Variants in ITGBL1 observed in about 807,000 individuals in gnomAD.
ITGBL1 encodes integrin beta-like protein 1.
ITGBL1 carries 51 observed loss-of-function variants against 68.5 expected under a neutral mutation model. That is an observed-to-expected ratio of 0.74 (90% CI 0.59 to 0.94). ITGBL1 has a LOEUF of 0.94. Ranked by LOEUF, ITGBL1 falls within the 40% of genes least tolerant of loss-of-function variation. The pLI is 0.00. For synonymous variants in ITGBL1, 209 were observed against 227.3 expected (o/e 0.92, Z 0.72); for missense variants, 649 against 647.4 (o/e 1.00, Z -0.03).
chr13:101,632,884 G>A (rs2032032597), intron 7 of ITGBL1, among the ~76,000 whole-genome samples: 1 of 152,166 alleles, frequency 6.6e-6, no homozygotes, highest in Non-Finnish European at 1.5e-5. Context: ...TTCACCTGAT[G>A]ATATTGCTTT....
chr13:101,491,230 G>T (rs2048771349), intron 2 of ITGBL1, among the ~76,000 whole-genome samples: 1 of 152,088 alleles, frequency 6.6e-6, no homozygotes. Context: ...ATTCTCCTCT[G>T]CAAGGTCAGG....
At chr13:101,616,787 A>G (rs2031381266) in intron 7 of ITGBL1, among the ~76,000 whole-genome samples, 1 of 152,152 alleles carries the variant, frequency 6.6e-6, no homozygotes, top group African/African-American at 2.4e-5. Flanking sequence ...CGCTGCAGGC[A>G]GCCGATAGCT....
At chr13:101,650,726 C>T (rs560224633) in intron 7 of ITGBL1, among the ~76,000 whole-genome samples, 13 of 151,654 alleles carry the variant, frequency 8.6e-5, no homozygotes, top group Admixed American at 2.0e-4. Context: ...TGTACAGATC[C>T]GCCCATCACC....
At chr13:101,471,000 GCAAT>G (rs1249618636) in intron 2 of ITGBL1, among the ~76,000 whole-genome samples, 13 of 152,154 alleles carry the variant, frequency 8.5e-5, no homozygotes, top group African/African-American at 3.1e-4. Flanking sequence ...TAAAAACTGT[GCAAT>G]CAGTCACTTT....
At chr13:101,545,376 G>C (rs1439267968) in intron 2 of ITGBL1, among the ~76,000 whole-genome samples, 1 of 152,128 alleles carries the variant, frequency 6.6e-6, no homozygotes, top group East Asian at 1.9e-4. Context: ...TATTAGAATT[G>C]AATGAAAAGT....
At chr13:101,598,837 G>T (rs1449274080) in intron 7 of ITGBL1, among the ~76,000 whole-genome samples, 1 of 152,108 alleles carries the variant, frequency 6.6e-6, no homozygotes, top group Non-Finnish European at 1.5e-5. Flanking sequence ...GTCTATCATT[G>T]TTGGACATTT....
intron 8 of ITGBL1, among the ~76,000 whole-genome samples, chr13:101,699,857 T>C (rs936622990): frequency 6.6e-6 from 1 of 152,222 alleles, no homozygotes; most frequent in Non-Finnish European, 1.5e-5. Flanking sequence ...TCTATGGTCT[T>C]ATTTTTTAAA....
intron 7 of ITGBL1, among the ~76,000 whole-genome samples, chr13:101,611,899 C>T (rs532764916): frequency 6.6e-5 from 10 of 152,246 alleles, no homozygotes; most frequent in African/African-American, 1.7e-4. Flanking sequence ...GCTAACTAGA[C>T]AGACTAAGAT....
intron 6 of ITGBL1, among the ~76,000 whole-genome samples, chr13:101,595,044 A>G (rs1480931569): frequency 6.6e-6 from 1 of 152,244 alleles, no homozygotes; most frequent in African/African-American, 2.4e-5. Flanking sequence ...ACTGCACTCC[A>G]GCCTGGGCAA....
intron 2 of ITGBL1, among the ~76,000 whole-genome samples, chr13:101,532,367 G>A (rs7338092): frequency 0.81 from 122,966 of 152,136 alleles, 49,943 homozygotes; most frequent in African/African-American, 0.9. Flanking sequence ...CAAATTCCTA[G>A]TTGTTCTGCT....
chr13:101,704,252 C>T (rs1052020441), intron 8 of ITGBL1, among the ~76,000 whole-genome samples: 4 of 152,030 alleles, frequency 2.6e-5, no homozygotes, highest in Middle Eastern at 3.4e-3. Context: ...TGGGTCGGAC[C>T]CTGCCTATGT....
At chr13:101,561,588 T>C (rs1221258303) in intron 2 of ITGBL1, among the ~76,000 whole-genome samples, 2 of 152,100 alleles carry the variant, frequency 1.3e-5, no homozygotes, top group Non-Finnish European at 2.9e-5. Flanking sequence ...CAGAAACTCT[T>C]ACAGGCAGTT....
intron 7 of ITGBL1, among the ~76,000 whole-genome samples, chr13:101,682,450 A>G (rs2033666481): frequency 6.6e-6 from 1 of 152,146 alleles, no homozygotes; most frequent in Admixed American, 6.6e-5. Context: ...TCCAGGCTAT[A>G]TCAAGTAAAA....
intron 7 of ITGBL1, among the ~76,000 whole-genome samples, chr13:101,641,472 C>T (rs1215217177): frequency 6.6e-6 from 1 of 150,922 alleles, no homozygotes; most frequent in Non-Finnish European, 1.5e-5. Context: ...GGTTTTTATT[C>T]TCAATTTTGG....
intron 6 of ITGBL1, among the ~76,000 whole-genome samples, chr13:101,586,339 A>G (rs1219538199): frequency 6.6e-6 from 1 of 152,164 alleles, no homozygotes; most frequent in Non-Finnish European, 1.5e-5. Flanking sequence ...TATTATTGTG[A>G]TTTTATGATT....
intron 7 of ITGBL1, among the ~76,000 whole-genome samples, chr13:101,680,121 T>G (rs1468574790): frequency 6.6e-6 from 1 of 152,212 alleles, no homozygotes; most frequent in Non-Finnish European, 1.5e-5. Flanking sequence ...CTCTTCACTT[T>G]CAAATGTCTG....
chr13:101,535,000 ATTC>A (rs2049548063), intron 2 of ITGBL1, among the ~76,000 whole-genome samples: 4 of 152,114 alleles, frequency 2.6e-5, no homozygotes, highest in African/African-American at 9.7e-5. Context: ...TATGGCCTTC[ATTC>A]TGTAGCTTTG....
At chr13:101,513,358 C>A (rs1346542876) in intron 2 of ITGBL1, among the ~76,000 whole-genome samples, 1 of 151,984 alleles carries the variant, frequency 6.6e-6, no homozygotes, top group African/African-American at 2.4e-5. Context: ...TGGCATAAGG[C>A]AGGTACACAG....
intron 2 of ITGBL1, among the ~76,000 whole-genome samples, chr13:101,495,181 G>A (rs528241099): frequency 1.3e-5 from 2 of 152,174 alleles, no homozygotes; most frequent in African/African-American, 2.4e-5. Flanking sequence ...TCCAGAAAGA[G>A]TATTGACTTT....
Sources: gnomAD v4.1 joint callset for allele counts (sites outside exome capture counted in the v4.1 genomes callset) on GRCh38, gnomAD v4.1.1 for gene constraint, MANE v1.5 for transcripts, NCBI Gene and HGNC (gene_info 2026-07-23, HGNC 2026-07-21) for gene names.